The following SCN9A variants were observed in gnomAD, a reference collection of about 807,000 sequenced individuals.
SCN9A encodes the protein sodium voltage-gated channel alpha subunit 9, also known as sodium channel protein type 9 subunit alpha.
A neutral mutation model predicts 187.0 loss-of-function variants in SCN9A; 131 were observed. That is an observed-to-expected ratio of 0.70 (90% CI 0.61 to 0.81). The LOEUF (loss-of-function observed/expected upper bound fraction) is 0.81. Among genes scored for constraint, SCN9A ranks in the 30% least tolerant of loss-of-function variants. The pLI, the probability that SCN9A is intolerant of heterozygous loss-of-function variation, is 0.00. For missense variants in SCN9A, 2,252 were observed against 2,396.6 expected (o/e 0.94, Z 1.26); for synonymous variants, 809 against 808.6 (o/e 1.00, Z -0.01).
chr2:166,233,207 G>GTATA lies in SCN9A; in HGVS notation c.3924+132_3924+133insTATA, dbSNP rs1356554457. 5 of 554,534 alleles carry GTATA rather than the reference G, an allele frequency of 9.0e-6. No individual in the cohort carries two copies. In the East Asian group the frequency reaches 1.7e-4, roughly 19 times the overall value. The allele number at this position is 554,534 out of a possible 1,614,324, so 34.4% of individuals were successfully genotyped here. On this transcript the variant is annotated intron_variant, in intron 21 of 26. Coordinates refer to ENST00000642356, the MANE Select transcript of SCN9A (RefSeq NM_001365536.1). ...TATATGCATATGTATATATGTATAT[G>GTATA]TACACACACATACATAAACAGCCTA... is the stretch of plus-strand genomic sequence containing the variant.
At chr2:166,277,811 T>C (rs6432892) in intron 15 of SCN9A, 99,211 of 249,312 alleles carry the variant, frequency 0.4, 20,214 homozygotes, top group African/African-American at 0.48. Context: ...ACCAAATTCA[T>C]AAAGTTATGA....
intron 24 of SCN9A, among the ~76,000 whole-genome samples, chr2:166,215,219 T>C (rs758369240): frequency 4.6e-5 from 7 of 151,956 alleles, no homozygotes; most frequent in Non-Finnish European, 8.8e-5. Context: ...GAAGAAATTA[T>C]ACGGAAAAAC....
intron 17 of SCN9A, among the ~76,000 whole-genome samples, chr2:166,268,892 T>A (rs2106453993): frequency 6.6e-6 from 1 of 151,950 alleles, no homozygotes; most frequent in East Asian, 1.9e-4. Context: ...AGAACCTGAG[T>A]TCTTAAGTAA....
chr2:166,297,183 T>C (rs12473796), intron 7 of SCN9A, among the ~76,000 whole-genome samples: 10,023 of 63,576 alleles, frequency 0.16, 1,105 homozygotes, highest in African/African-American at 0.39. Flanking sequence ...GGCGACAGAG[T>C]GAGACTCCAT....
chr2:166,318,589 G>A (rs1489250571), intron 1 of SCN9A, among the ~76,000 whole-genome samples: 1 of 150,770 alleles, frequency 6.6e-6, no homozygotes, highest in East Asian at 1.9e-4. Flanking sequence ...AAAAAAAATA[G>A]GCTACCAAAA....
chr2:166,360,520 G>A (rs543549351), intron 1 of SCN9A, among the ~76,000 whole-genome samples: 2 of 152,168 alleles, frequency 1.3e-5, no homozygotes, highest in African/African-American at 4.8e-5. Flanking sequence ...GAGAGAAAAT[G>A]TATTTCCAAT....
At chr2:166,232,250 G>A (rs767758690) in intron 21 of SCN9A, among the ~76,000 whole-genome samples, 3 of 152,170 alleles carry the variant, frequency 2.0e-5, no homozygotes, top group Non-Finnish European at 4.4e-5. Flanking sequence ...AATCCTTAAA[G>A]CTAGGTTATG....
intron 1 of SCN9A, among the ~76,000 whole-genome samples, chr2:166,360,720 G>A (rs2105314633): frequency 6.6e-6 from 1 of 152,254 alleles, no homozygotes; most frequent in South Asian, 2.1e-4. Context: ...AAGTTATCAT[G>A]TAGAATAGAA....
chr2:166,279,811 T>G (rs1697397407), intron 14 of SCN9A, among the ~76,000 whole-genome samples: 1 of 151,846 alleles, frequency 6.6e-6, no homozygotes, highest in Admixed American at 6.6e-5. Context: ...ATATTATAAA[T>G]AATTATTTTA....
At chr2:166,359,000 T>C (rs1700217379) in intron 1 of SCN9A, among the ~76,000 whole-genome samples, 3 of 152,236 alleles carry the variant, frequency 2.0e-5, no homozygotes, top group Admixed American at 1.3e-4. Flanking sequence ...GTCCCAATGA[T>C]AACTATTAAA....
intron 1 of SCN9A, among the ~76,000 whole-genome samples, chr2:166,364,873 G>A (rs1416686355): frequency 6.6e-6 from 1 of 152,032 alleles, no homozygotes; most frequent in Non-Finnish European, 1.5e-5. Flanking sequence ...ATTCACTAGC[G>A]TGTTTTGAGA....
chr2:166,326,503 T>C (rs992040450), intron 1 of SCN9A, among the ~76,000 whole-genome samples: 10 of 152,194 alleles, frequency 6.6e-5, no homozygotes, highest in African/African-American at 2.4e-4. Context: ...GCAGGATGTC[T>C]ACAGCATTTA....
chr2:166,244,184 C>T (rs1695687721), intron 18 of SCN9A, among the ~76,000 whole-genome samples: 1 of 151,860 alleles, frequency 6.6e-6, no homozygotes, highest in Non-Finnish European at 1.5e-5. Context: ...GGGTGGGAAC[C>T]TGAAACGGGA....
chr2:166,275,583 C>CAA (rs67225403), intron 16 of SCN9A, among the ~76,000 whole-genome samples: 384 of 95,158 alleles, frequency 4.0e-3, no homozygotes, highest in African/African-American at 0.012. Context: ...GATTCCATCT[C>CAA]AAAAAAAAAA....
At position 166,196,394 on chromosome 2, in the gene SCN9A, A is replaced by G. The variant is rs200787983; in HGVS notation, c.*2278T>C. ...ACATAGTTCATGAAATAGGAAAAAGAACAACTTTATATATATTTTTGAAAT... is the reference window on the plus strand; with the variant it reads ...ACATAGTTCATGAAATAGGAAAAAGGACAACTTTATATATATTTTTGAAAT... On this transcript the variant is annotated 3_prime_UTR_variant, in exon 27 of 27. Coordinates refer to ENST00000642356, the MANE Select transcript of SCN9A (RefSeq NM_001365536.1). The G allele has an allele frequency of 2.0e-5, 3 of 152,184 alleles. No individual in the cohort carries two copies. Among genetic ancestry groups the G allele is most frequent in the Non-Finnish European group, 4.4e-5 (3 of 68,014 alleles). 9.4% of individuals were successfully genotyped at this position (152,184 alleles called of 1,614,324 possible).
chr2:166,330,406 C>A (rs1350330261), intron 1 of SCN9A, among the ~76,000 whole-genome samples: 1 of 152,166 alleles, frequency 6.6e-6, no homozygotes, highest in Non-Finnish European at 1.5e-5. Flanking sequence ...CTCTAATTTA[C>A]ATACATTTTC....
At chr2:166,266,105 G>T (rs1259781113) in intron 17 of SCN9A, among the ~76,000 whole-genome samples, 1 of 151,670 alleles carries the variant, frequency 6.6e-6, no homozygotes, top group Non-Finnish European at 1.5e-5. Context: ...TGTTGCCTGT[G>T]CTTTTTAGGT....
intron 9 of SCN9A, among the ~76,000 whole-genome samples, chr2:166,289,440 T>C (rs547827790): frequency 1.9e-4 from 29 of 152,222 alleles, no homozygotes; most frequent in African/African-American, 6.7e-4. Flanking sequence ...GTTGTTTGGT[T>C]TTCTGTTCCT....
At chr2:166,351,062 T>A (rs1700022785) in intron 1 of SCN9A, among the ~76,000 whole-genome samples, 1 of 152,054 alleles carries the variant, frequency 6.6e-6, no homozygotes, top group African/African-American at 2.4e-5. Context: ...TACACACATA[T>A]TTCCTAAGTA....
Sources: gnomAD v4.1 joint callset for allele counts (sites outside exome capture counted in the v4.1 genomes callset) on GRCh38, gnomAD v4.1.1 for gene constraint, MANE v1.5 for transcripts, NCBI Gene and HGNC (gene_info 2026-07-23, HGNC 2026-07-21) for gene names.